TENM2: variants seen among roughly 807,000 people sequenced by gnomAD.
TENM2 encodes teneurin-2.
TENM2 carries 52 observed loss-of-function variants against 245.2 expected under a neutral mutation model. The ratio of observed to expected loss-of-function variants is 0.21; its 90% CI spans 0.17 to 0.27. The LOEUF (loss-of-function observed/expected upper bound fraction) is 0.27. Among genes scored for constraint, TENM2 ranks in the 10% least tolerant of loss-of-function variants. TENM2 has a pLI of 1.00. For missense variants in TENM2, 3,046 were observed against 3,666.8 expected, an observed-to-expected ratio of 0.83 and a Z score of 4.37; for synonymous variants, 1,363 against 1,438.9, an observed-to-expected ratio of 0.95 and a Z score of 1.19.
At chr5:167,306,462 C>T (rs1366498580) in intron 1 of TENM2, 1 of 151,304 alleles carries the variant, frequency 6.6e-6, no homozygotes, top group Non-Finnish European at 1.5e-5. Flanking sequence ...CGTATCAGAG[C>T]CCCTTTTCTG....
the TENM2 span, among the ~76,000 whole-genome samples, chr5:167,067,765 C>T: frequency 6.6e-6 from 1 of 152,142 alleles, no homozygotes; most frequent in East Asian, 1.9e-4. Context: ...TTGGTCATAA[C>T]CACAGTGGAT....
intron 3 of TENM2, among the ~76,000 whole-genome samples, chr5:167,904,777 G>A (rs756705125): frequency 2.6e-5 from 4 of 152,090 alleles, no homozygotes; most frequent in Non-Finnish European, 5.9e-5. Context: ...AACCCATAAG[G>A]AGGGTGACCA....
Position 168,037,499 on chromosome 5 carries a change from C to A in TENM2, c.1187-9928C>A, listed in dbSNP as rs1271344178. ...GTAGAAGATATTTGTCATAGAAACTCAATTTAATGAATTTAGGATCAGAAA... is the reference window on the plus strand; with the variant it reads ...GTAGAAGATATTTGTCATAGAAACTAAATTTAATGAATTTAGGATCAGAAA... On this transcript the variant is annotated intron_variant, in intron 5 of 28. Transcript: ENST00000518659. 2.2e-4 allele frequency among the ~76,000 whole-genome samples: 32 copies of A among 145,468 alleles called. No individual in the cohort carries two copies. The Admixed American group carries it at 2.2e-3, about 10-fold the overall frequency.
intron 2 of TENM2, among the ~76,000 whole-genome samples, chr5:167,752,151 G>A (rs1761998471): frequency 6.6e-6 from 1 of 151,748 alleles, no homozygotes; most frequent in African/African-American, 2.4e-5. Context: ...CTGGAGTACA[G>A]TGGTGCAATC....
chr5:167,449,510 A>AGATAGATAGAT (rs1415875704), intron 2 of TENM2, among the ~76,000 whole-genome samples: 74 of 1,794 alleles, frequency 0.041, no homozygotes, highest in Middle Eastern at 0.25. Context: ...AAAGATATGC[A>AGATAGATAGAT]GATAGATAGA....
chr5:167,031,848 G>C, the TENM2 span, among the ~76,000 whole-genome samples: 1,399 of 152,280 alleles, frequency 9.2e-3, 10 homozygotes, highest in Non-Finnish European at 0.015. Context: ...ACAGGTTTGA[G>C]CCACTGCCCC....
intron 17 of TENM2, among the ~76,000 whole-genome samples, chr5:168,201,602 A>G (rs960437533): frequency 1.3e-5 from 2 of 152,156 alleles, no homozygotes; most frequent in East Asian, 1.9e-4. Flanking sequence ...CATCACAACA[A>G]AAAAACACAA....
the TENM2 span, among the ~76,000 whole-genome samples, chr5:167,130,986 C>T: frequency 7.3e-6 from 1 of 137,908 alleles, no homozygotes; most frequent in Non-Finnish European, 1.5e-5. Context: ...GCATTTTGAA[C>T]TTCCCACTTG....
chr5:167,284,998 G>A, exon 1 of TENM2: 2 of 1,552,076 alleles, frequency 1.3e-6, no homozygotes, highest in Non-Finnish European at 1.7e-6. Flanking sequence ...CATGACAGCA[G>A]GATGCACTAT....
chr5:167,802,243 C>T (rs12656874), intron 2 of TENM2, among the ~76,000 whole-genome samples: 2,332 of 152,234 alleles, frequency 0.015, 55 homozygotes, highest in East Asian at 0.1. Context: ...GAGACACAAA[C>T]ATTCAAAATA....
chr5:167,959,791 T>C (rs1407311683), intron 4 of TENM2, among the ~76,000 whole-genome samples: 1 of 152,232 alleles, frequency 6.6e-6, no homozygotes, highest in African/African-American at 2.4e-5. Context: ...TTCTGGTTTT[T>C]GGAATTTTCA....
rs147408397 is a variant in TENM2, at chr5:167,438,478, G to T, written c.502+63005G>T. ...GCCATCTCGGCTCACTGCAAGCTCTGCCTCCTGAGTTCACGGTATTCTCCT... is the reference window on the plus strand; with the variant it reads ...GCCATCTCGGCTCACTGCAAGCTCTTCCTCCTGAGTTCACGGTATTCTCCT... On this transcript the variant is annotated intron_variant, in intron 2 of 28. Coordinates refer to ENST00000518659, the Ensembl canonical transcript of TENM2. Among the ~76,000 whole-genome samples the T allele has an allele frequency of 1.8e-3, 271 of 152,204 alleles. 4 individuals are homozygous for T. In the East Asian group the frequency reaches 0.027, roughly 15 times the overall value.
chr5:167,666,298 T>A (rs1332678188), intron 2 of TENM2, among the ~76,000 whole-genome samples: 1 of 152,178 alleles, frequency 6.6e-6, no homozygotes, highest in Non-Finnish European at 1.5e-5. Context: ...ATGTTCTAAC[T>A]CAGTTCACAT....
At chr5:167,710,634 G>A (rs1758847710) in intron 2 of TENM2, among the ~76,000 whole-genome samples, 1 of 152,166 alleles carries the variant, frequency 6.6e-6, no homozygotes, top group African/African-American at 2.4e-5. Flanking sequence ...ACATAAATTA[G>A]GAAGTAAAAC....
intron 2 of TENM2, among the ~76,000 whole-genome samples, chr5:167,493,018 G>A (rs1046376582): frequency 6.6e-6 from 1 of 152,088 alleles, no homozygotes; most frequent in Non-Finnish European, 1.5e-5. Context: ...GCATGGATTA[G>A]GTAAGGTAAT....
intron 2 of TENM2, among the ~76,000 whole-genome samples, chr5:167,774,632 G>T (rs1338774855): frequency 6.6e-6 from 1 of 152,136 alleles, no homozygotes; most frequent in Non-Finnish European, 1.5e-5. Context: ...GCCTAAGATG[G>T]TTTATTAAAT....
chr5:167,856,208 T>A (rs1178978764), intron 2 of TENM2, among the ~76,000 whole-genome samples: 1 of 152,056 alleles, frequency 6.6e-6, no homozygotes, highest in Non-Finnish European at 1.5e-5. Flanking sequence ...ACCATTCCCG[T>A]CTCTGCTTGG....
chr5:168,124,562 G>C (rs979232607), intron 10 of TENM2, among the ~76,000 whole-genome samples: 2 of 152,184 alleles, frequency 1.3e-5, no homozygotes, highest in Admixed American at 1.3e-4. Context: ...AGGTGGAGTG[G>C]CATCCTTCTA....
chr5:167,232,461 C>T, the TENM2 span, among the ~76,000 whole-genome samples: 31,609 of 151,800 alleles, frequency 0.21, 3,872 homozygotes, highest in African/African-American at 0.34. Flanking sequence ...CAACCTCTGC[C>T]TCCCAGGTTC....
Sources: gnomAD v4.1 joint callset for allele counts (sites outside exome capture counted in the v4.1 genomes callset) on GRCh38, gnomAD v4.1.1 for gene constraint, MANE v1.5 for transcripts, NCBI Gene and HGNC (gene_info 2026-07-23, HGNC 2026-07-21) for gene names.